BPNT2: variants seen among roughly 807,000 people sequenced by gnomAD.
The protein encoded by BPNT2 is 3'(2'), 5'-bisphosphate nucleotidase 2, also known as Golgi-resident adenosine 3',5'-bisphosphate 3'-phosphatase.
A neutral mutation model predicts 29.3 loss-of-function variants in BPNT2; 11 were observed. The observed-to-expected ratio is 0.38, with a 90% CI of 0.24 to 0.62. BPNT2 has a LOEUF of 0.62. Among genes scored for constraint, BPNT2 ranks in the 20% least tolerant of loss-of-function variants. The pLI, the probability that BPNT2 is intolerant of heterozygous loss-of-function variation, is 0.62. For synonymous variants in BPNT2, 195 were observed against 187.7 expected (o/e 1.04, Z -0.32); for missense variants, 459 against 473.4 (o/e 0.97, Z 0.28).
At chr8:56,969,738 T>A (rs1183110204) in intron 3 of BPNT2, among the ~76,000 whole-genome samples, 1 of 152,086 alleles carries the variant, frequency 6.6e-6, no homozygotes, top group Non-Finnish European at 1.5e-5. Context: ...AATAAAGGCA[T>A]TAGTAAAAGC....
intron 3 of BPNT2, 126 bp downstream of exon 3, chr8:56,977,924 T>C (rs1385760412): frequency 4.1e-6 from 3 of 724,848 alleles, no homozygotes; most frequent in African/African-American, 3.5e-5. Flanking sequence ...TAATTTGTGT[T>C]TTTTTCTTAC....
chr8:56,980,154 A>T lies in BPNT2; in HGVS notation c.431T>A (p.Ile144Asn). The T allele has an allele frequency of 6.2e-7, 1 of 1,613,858 alleles. No homozygotes were observed. The highest frequency in any genetic ancestry group is 8.5e-7 in the Non-Finnish European group (1 of 1,179,770). The change falls in exon 2 of 5, where the codon ATC becomes AAC. Residue 144 changes from isoleucine (I) to asparagine (N), a missense_variant. Physicochemically the swap from Ile to Asn is moderately radical, Grantham distance 149 (BLOSUM62 -3). Coordinates refer to ENST00000262644, the MANE Select transcript of BPNT2 (RefSeq NM_017813.5). ...EHVDAADQEVILWDHKIPEDI... is the reference protein window; with the variant it reads ...EHVDAADQEVNLWDHKIPEDI... ...CTCAGGAATCTTATGATCCCACAAG[A>T]TAACCTCCTGATCAGCTGCATCCAC...
chr8:56,987,341 T>C (rs1484677378), intron 1 of BPNT2, among the ~76,000 whole-genome samples: 1 of 152,210 alleles, frequency 6.6e-6, no homozygotes, highest in Non-Finnish European at 1.5e-5. Flanking sequence ...TGGATAAGAT[T>C]AGCATTTGAA....
chr8:56,985,907 T>C (rs954004901), intron 1 of BPNT2, among the ~76,000 whole-genome samples: 2 of 152,222 alleles, frequency 1.3e-5, no homozygotes, highest in Non-Finnish European at 2.9e-5. Context: ...TGAATGCGCA[T>C]CACTTTCTGG....
intron 3 of BPNT2, among the ~76,000 whole-genome samples, chr8:56,970,480 G>T (rs1806012775): frequency 6.6e-6 from 1 of 152,112 alleles, no homozygotes; most frequent in African/African-American, 2.4e-5. Flanking sequence ...CAATGTCATG[G>T]GGGGCATAAG....
rs1411259590 is a variant in BPNT2, at chr8:56,993,226, C to T, written c.360G>A (p.Leu120=). The T allele has an allele frequency of 8.7e-6, 14 of 1,604,406 alleles. No individual in the cohort carries two copies. In the Admixed American group the frequency reaches 1.0e-4, roughly 11 times the overall value. Residue 120 remains leucine, a synonymous_variant, in exon 1 of 5, where the codon CTG becomes CTA. Transcript: ENST00000262644. ...GGACGCTGGGGAAGGCGGTCTTGAGCAGGTAGAACATCTTGCGGTTGGACA... is the reference window on the plus strand; with the variant it reads ...GGACGCTGGGGAAGGCGGTCTTGAGTAGGTAGAACATCTTGCGGTTGGACA... ...DVLSNRKMFY[L]LKTAFPSVQI...
intron 3 of BPNT2, among the ~76,000 whole-genome samples, chr8:56,974,267 T>C (rs1806090813): frequency 6.6e-6 from 1 of 152,164 alleles, no homozygotes; most frequent in Non-Finnish European, 1.5e-5. Context: ...CACACAGATT[T>C]TCAACAATCA....
intron 3 of BPNT2, among the ~76,000 whole-genome samples, chr8:56,977,433 CCTTT>C (rs996082069): frequency 1.3e-5 from 2 of 152,202 alleles, no homozygotes; most frequent in Middle Eastern, 3.4e-3. Flanking sequence ...GTGTCTATGT[CCTTT>C]CTGTTTCTTA....
In BPNT2 at chr8:56,963,955, G is replaced by A; in HGVS notation, c.918C>T (p.Ala306=). ...TATGCCCCCCTAGGGCTTTTAAGAT[G>A]GCATTACCAGCACATATATCCCACT... The part of the protein sequence containing the change: ...IKKWDICAGN[A]ILKALGGHMT... The change falls in exon 5 of 5, where the codon GCC becomes GCT. Residue 306 remains alanine (A), a synonymous_variant. Coordinates refer to ENST00000262644, the MANE Select transcript of BPNT2 (RefSeq NM_017813.5). The A allele has an allele frequency of 6.2e-7, 1 of 1,613,912 alleles. No individual in the cohort carries two copies. The highest frequency in any genetic ancestry group is 8.5e-7 in the Non-Finnish European group (1 of 1,179,944).
chr8:56,991,816 G>A (rs1040279218), intron 1 of BPNT2, among the ~76,000 whole-genome samples: 6 of 152,112 alleles, frequency 3.9e-5, no homozygotes, highest in African/African-American at 1.4e-4. Context: ...CTTGGGGAAG[G>A]AAACACGTAT....
intron 3 of BPNT2, 58 bp downstream of exon 3, chr8:56,977,992 T>C (rs1806172657): frequency 1.2e-5 from 13 of 1,061,336 alleles, no homozygotes; most frequent in Non-Finnish European, 1.9e-5. Context: ...TGACAGTAAA[T>C]ACTATAGACA....
chr8:56,993,078 T>C (rs751730192), intron 1 of BPNT2, 121 bp downstream of exon 1: 790 of 1,522,348 alleles, frequency 5.2e-4, no homozygotes, highest in Non-Finnish European at 6.7e-4. Flanking sequence ...CGTTAACTTC[T>C]GCGTCTCAAT....
intron 1 of BPNT2, among the ~76,000 whole-genome samples, chr8:56,990,522 A>G (rs1239465385): frequency 6.6e-6 from 1 of 152,170 alleles, no homozygotes; most frequent in Non-Finnish European, 1.5e-5. Flanking sequence ...AACTGAAGAC[A>G]AAAGGAAATC....
At chr8:56,981,217 C>T (rs1161542181) in intron 1 of BPNT2, among the ~76,000 whole-genome samples, 2 of 152,196 alleles carry the variant, frequency 1.3e-5, no homozygotes, top group South Asian at 2.1e-4. Flanking sequence ...CTGTTTTCAA[C>T]AGTGTGCTTC....
intron 3 of BPNT2, among the ~76,000 whole-genome samples, chr8:56,971,956 G>A (rs986561045): frequency 5.9e-5 from 9 of 151,878 alleles, no homozygotes; most frequent in Admixed American, 2.6e-4. Flanking sequence ...TTAGCCGGGC[G>A]TGGTGTCAGG....
Position 56,980,204 on chromosome 8 carries a change from T to A in BPNT2, c.388-7A>T. ...CGTGTTCCTCAGTATTAATCTGCAT[T>A]AAAAACAGGTGACAGTTAAAAAAAG... On this transcript the variant is annotated splice_polypyrimidine_tract_variant and splice_region_variant and intron_variant, in intron 1 of 4. Transcript: ENST00000262644. 1.9e-6 allele frequency: 3 copies of A among 1,611,710 alleles called. No homozygotes were observed. The South Asian group carries it at 3.3e-5, about 18-fold the overall frequency.
intron 3 of BPNT2, among the ~76,000 whole-genome samples, chr8:56,971,016 T>G (rs1806021880): frequency 6.6e-6 from 1 of 152,086 alleles, no homozygotes; most frequent in Admixed American, 6.6e-5. Context: ...TGTAAGAGAA[T>G]AAAAATATTA....
Position 56,993,255 on chromosome 8 carries a change from C to T in BPNT2, c.331G>A (p.Val111Met), listed in dbSNP as rs769088343. Residue 111 changes from valine to methionine, a missense_variant, in exon 1 of 5, where the codon GTG (valine) becomes ATG (methionine). Coordinates refer to ENST00000262644, the MANE Select transcript of BPNT2 (RefSeq NM_017813.5). Reference protein sequence around the residue: ...GAEDKMTSGDVLSNRKMFYLL... With the variant: ...GAEDKMTSGDMLSNRKMFYLL... ...TAGAACATCTTGCGGTTGGACAGCA[C>T]GTCGCCGCTGGTCATCTTGTCCTCG... is the stretch of plus-strand genomic sequence containing the variant. The T allele has an allele frequency of 4.4e-6, 7 of 1,609,092 alleles. No individual in the cohort carries two copies. The highest frequency in any genetic ancestry group is 1.3e-5 in the African/African-American group (1 of 74,930).
intron 3 of BPNT2, 49 bp downstream of exon 3, chr8:56,978,001 C>T: frequency 8.9e-7 from 1 of 1,127,598 alleles, no homozygotes; most frequent in Non-Finnish European, 1.4e-6. Context: ...ATACTATAGA[C>T]AAACAGTTCA....
Sources: allele counts gnomAD v4.1 joint callset (sites outside exome capture counted in the v4.1 genomes callset), GRCh38; gene constraint gnomAD v4.1.1; transcripts MANE v1.5; gene names NCBI Gene and HGNC (gene_info 2026-07-23, HGNC 2026-07-21).